The following SMIM35 variants were observed in gnomAD, a reference collection of about 807,000 sequenced individuals.
The protein encoded by SMIM35 is small integral membrane protein 35.
intron 1 of SMIM35, among the ~76,000 whole-genome samples, chr11:118,061,822 A>C (rs1368978847): frequency 1.3e-5 from 2 of 152,136 alleles, no homozygotes; most frequent in Admixed American, 1.3e-4. Flanking sequence ...CCCCATTATG[A>C]GTTGACTTCA....
At chr11:118,048,436 C>T (rs1262760116) in intron 1 of SMIM35, among the ~76,000 whole-genome samples, 1 of 151,970 alleles carries the variant, frequency 6.6e-6, no homozygotes, top group Non-Finnish European at 1.5e-5. Flanking sequence ...TCACCTGAAG[C>T]TGGGCAGTGG....
chr11:118,022,134 G>A (rs907841390), intron 1 of SMIM35, among the ~76,000 whole-genome samples: 16 of 147,266 alleles, frequency 1.1e-4, no homozygotes, highest in Admixed American at 7.0e-5. Context: ...CCACCTCCCT[G>A]GTTCAAGTGA....
chr11:118,054,495 C>T (rs1206325020), intron 1 of SMIM35, among the ~76,000 whole-genome samples: 1 of 152,154 alleles, frequency 6.6e-6, no homozygotes, highest in African/African-American at 2.4e-5. Flanking sequence ...TTTCAGATGA[C>T]CAGTTATAAA....
chr11:118,044,988 C>G (rs188455048), intron 1 of SMIM35, among the ~76,000 whole-genome samples: 1 of 152,020 alleles, frequency 6.6e-6, no homozygotes, highest in East Asian at 1.9e-4. Context: ...ACACATCAAA[C>G]AAAATCAGAA....
chr11:118,010,314 G>A (rs1205756651), intron 4 of SMIM35, among the ~76,000 whole-genome samples: 1 of 152,166 alleles, frequency 6.6e-6, no homozygotes, highest in Non-Finnish European at 1.5e-5. Context: ...CCCCTCCAAT[G>A]CCACTGGCAT....
intron 1 of SMIM35, chr11:118,058,990 G>A (rs1944357358): frequency 6.6e-6 from 1 of 152,420 alleles, no homozygotes; most frequent in Non-Finnish European, 1.5e-5. Flanking sequence ...GCTGGGGGAG[G>A]CCTCCCACCA....
chr11:118,055,981 G>A lies in SMIM35; in HGVS notation c.7+30770C>T, dbSNP rs77551409. Among the ~76,000 whole-genome samples the A allele has an allele frequency of 4.2e-3, 644 of 152,090 alleles. 2 individuals carry two copies. The highest frequency in any genetic ancestry group is 6.7e-3 in the Non-Finnish European group (458 of 67,990). ...GTGAGGTCTGTGATGAATTGTGAAG[G>A]ATGGTCAGTAGTCAGTTGCCAAGCA... On this transcript the variant is annotated intron_variant, in intron 1 of 4. Transcript: ENST00000689828.
At chr11:118,050,913 A>G (rs970110456) in intron 1 of SMIM35, among the ~76,000 whole-genome samples, 3 of 152,040 alleles carry the variant, frequency 2.0e-5, no homozygotes, top group Non-Finnish European at 1.5e-5. Context: ...ACCTCCCCCA[A>G]TCCATCCCCA....
intron 1 of SMIM35, among the ~76,000 whole-genome samples, chr11:118,082,078 A>G (rs1945177934): frequency 6.6e-6 from 1 of 152,158 alleles, no homozygotes; most frequent in South Asian, 2.1e-4. Flanking sequence ...TGCTGGGAGA[A>G]CCTGTCCGGA....
intron 1 of SMIM35, among the ~76,000 whole-genome samples, chr11:118,048,072 G>A (rs1410100371): frequency 6.6e-6 from 1 of 152,098 alleles, no homozygotes; most frequent in African/African-American, 2.4e-5. Context: ...TGATCATAGT[G>A]GTACCCAGGA....
chr11:118,063,624 G>A (rs1591306799), intron 1 of SMIM35, among the ~76,000 whole-genome samples: 1 of 152,318 alleles, frequency 6.6e-6, no homozygotes, highest in East Asian at 1.9e-4. Flanking sequence ...GAAAGCCCAA[G>A]GCAGGATTAG....
At chr11:118,079,778 C>T (rs1039970712) in intron 1 of SMIM35, among the ~76,000 whole-genome samples, 3 of 152,098 alleles carry the variant, frequency 2.0e-5, no homozygotes, top group Non-Finnish European at 2.9e-5. Context: ...AGCCAGCCTG[C>T]GGGCAGCGGG....
intron 4 of SMIM35, 160 bp downstream of exon 4, chr11:118,013,588 C>T (rs2058160999): frequency 5.2e-6 from 2 of 382,796 alleles, no homozygotes; most frequent in African/African-American, 2.1e-5. Flanking sequence ...TGGGGGAAAA[C>T]ATGACCCAAG....
intron 1 of SMIM35, chr11:118,077,166 C>T (rs1944722199): frequency 9.5e-7 from 1 of 1,055,988 alleles, no homozygotes. Flanking sequence ...TGCACTCGGG[C>T]CTCCTCCAGC....
chr11:118,011,085 G>A (rs1701294592), intron 4 of SMIM35, among the ~76,000 whole-genome samples: 1 of 152,248 alleles, frequency 6.6e-6, no homozygotes, highest in African/African-American at 2.4e-5. Context: ...GTAGCCTGCG[G>A]AAGTAAGGAA....
intron 1 of SMIM35, among the ~76,000 whole-genome samples, chr11:118,051,806 G>A (rs947909030): frequency 1.3e-5 from 2 of 148,644 alleles, no homozygotes; most frequent in African/African-American, 2.5e-5. Context: ...GCCCCAGCAG[G>A]GCAATCTTAG....
At chr11:118,027,345 GTAGA>G (rs2135048859) in intron 1 of SMIM35, among the ~76,000 whole-genome samples, 2 of 151,794 alleles carry the variant, frequency 1.3e-5, no homozygotes, top group African/African-American at 4.8e-5. Flanking sequence ...TTTTTGCGTG[GTAGA>G]TTTTAGTTTT....
chr11:118,022,033 T>A (rs1335094850), intron 1 of SMIM35, among the ~76,000 whole-genome samples: 1 of 71,506 alleles, frequency 1.4e-5, no homozygotes, highest in African/African-American at 7.7e-5. Flanking sequence ...ACAATAAGTC[T>A]TTTTTTTTTT....
chr11:118,005,129 T>TC lies in SMIM35; in HGVS notation c.*1280dup, dbSNP rs1402660708. ...CACCTCCCCACATCCCCTCTACCTG[T>TC]CCCCTAAGGCAGAGTTTCTCAGAAG... On this transcript the variant is annotated 3_prime_UTR_variant, in exon 5 of 5. Transcript: ENST00000689828. 1 of 152,146 alleles carries TC rather than the reference T, an allele frequency of 6.6e-6. No homozygotes were observed. Among genetic ancestry groups the TC allele is most frequent in the Non-Finnish European group, 1.5e-5 (1 of 68,030 alleles). 9.4% of individuals were successfully genotyped at this position (152,146 alleles called of 1,614,324 possible).
Sources: allele counts gnomAD v4.1 joint callset (sites outside exome capture counted in the v4.1 genomes callset), GRCh38; gene constraint gnomAD v4.1.1; transcripts MANE v1.5; gene names NCBI Gene and HGNC (gene_info 2026-07-23, HGNC 2026-07-21).